The following CTNND2 variants were observed in gnomAD, a reference collection of about 807,000 sequenced individuals.
The protein encoded by CTNND2 is catenin delta-2.
CTNND2 carries 22 observed loss-of-function variants against 144.4 expected under a neutral mutation model. The observed-to-expected ratio is 0.15, with a 90% CI of 0.11 to 0.22. The LOEUF (loss-of-function observed/expected upper bound fraction) is 0.22, where lower values mean the gene tolerates loss of function less well. Ranked by LOEUF, CTNND2 falls within the 10% of genes least tolerant of loss-of-function variation. CTNND2 has a pLI of 1.00. For missense variants in CTNND2, 1,353 were observed against 1,618.8 expected (o/e 0.84, Z 2.82); for synonymous variants, 751 against 695.6 (o/e 1.08, Z -1.25).
intron 3 of CTNND2, among the ~76,000 whole-genome samples, chr5:11,528,414 A>AT (rs1393567703): frequency 1.3e-5 from 2 of 152,130 alleles, no homozygotes; most frequent in East Asian, 1.9e-4. Context: ...AGTAGTTCAC[A>AT]TAAAAAAAAA....
chr5:11,103,679 AC>A (rs999647986), intron 14 of CTNND2, among the ~76,000 whole-genome samples: 1 of 152,046 alleles, frequency 6.6e-6, no homozygotes, highest in African/African-American at 2.4e-5. Flanking sequence ...AAAGCAAAAA[AC>A]AAAACAAAAA....
intron 16 of CTNND2, among the ~76,000 whole-genome samples, chr5:11,069,143 A>G (rs982391940): frequency 3.9e-5 from 6 of 152,172 alleles, no homozygotes; most frequent in Non-Finnish European, 8.8e-5. Flanking sequence ...AAAATAGAGA[A>G]AGGTATTGTT....
At chr5:11,304,573 GT>G (rs1469429731) in intron 9 of CTNND2, among the ~76,000 whole-genome samples, 1 of 152,162 alleles carries the variant, frequency 6.6e-6, no homozygotes, top group African/African-American at 2.4e-5. Context: ...ATCAGGTTTT[GT>G]TTTTTATTAA....
intron 10 of CTNND2, among the ~76,000 whole-genome samples, chr5:11,231,026 G>C (rs1351361811): frequency 3.3e-5 from 5 of 152,050 alleles, no homozygotes; most frequent in African/African-American, 7.2e-5. Context: ...GGCAGGACCA[G>C]GTGAAGGTAA....
At chr5:11,000,899 C>G (rs747501896) in intron 18 of CTNND2, among the ~76,000 whole-genome samples, 4 of 152,222 alleles carry the variant, frequency 2.6e-5, no homozygotes, top group Non-Finnish European at 5.9e-5. Flanking sequence ...CACTCCTCCC[C>G]CAAATGGATG....
chr5:11,082,979 G>T, intron 15 of CTNND2, 133 bp from the exon 16 acceptor site: 1 of 969,960 alleles, frequency 1.0e-6, no homozygotes, highest in Non-Finnish European at 1.5e-6. Context: ...TTGTAGAATG[G>T]GTTGAATACG....
At chr5:11,156,497 G>T (rs530884329) in intron 12 of CTNND2, among the ~76,000 whole-genome samples, 1 of 152,288 alleles carries the variant, frequency 6.6e-6, no homozygotes, top group African/African-American at 2.4e-5. Context: ...TCTAGGAAAA[G>T]AGTTTTATTT....
rs575775605 is a variant in CTNND2, at chr5:11,568,247, G to A, written c.175-3191C>T. 6.6e-4 allele frequency among the ~76,000 whole-genome samples: 100 copies of A among 152,270 alleles called. 1 individual carries two copies. The highest frequency in any genetic ancestry group is 6.1e-3 in the Admixed American group (93 of 15,292). ...CTGCTAAGTTGTTTGCTGAATATGA[G>A]AAAGGGCACCTTGCCTTTCTGATAT... On this transcript the variant is annotated intron_variant, in intron 2 of 21. Transcript: ENST00000304623.
chr5:11,887,546 AAAAT>A (rs1484195403), intron 1 of CTNND2, among the ~76,000 whole-genome samples: 2 of 152,210 alleles, frequency 1.3e-5, no homozygotes, highest in African/African-American at 4.8e-5. Flanking sequence ...TAGGTTGTAA[AAAAT>A]AAATAAATTT....
intron 16 of CTNND2, among the ~76,000 whole-genome samples, chr5:11,071,555 A>AT (rs1052283984): frequency 2.1e-5 from 3 of 142,830 alleles, no homozygotes; most frequent in South Asian, 2.3e-4. Flanking sequence ...GTCTTCAAAA[A>AT]TTTTTTTTTC....
chr5:11,488,660 G>C (rs1011542114), intron 3 of CTNND2, among the ~76,000 whole-genome samples: 8 of 152,130 alleles, frequency 5.3e-5, no homozygotes, highest in Admixed American at 2.0e-4. Flanking sequence ...AATCAAAAGA[G>C]AGAAGAGTTC....
chr5:11,874,661 C>T (rs550019746), intron 1 of CTNND2, among the ~76,000 whole-genome samples: 8 of 152,208 alleles, frequency 5.3e-5, no homozygotes, highest in Non-Finnish European at 1.0e-4. Flanking sequence ...AATGGGACAG[C>T]GAGATTTCAG....
chr5:11,086,475 G>A (rs1460960584), intron 15 of CTNND2, among the ~76,000 whole-genome samples: 1 of 152,216 alleles, frequency 6.6e-6, no homozygotes, highest in African/African-American at 2.4e-5. Flanking sequence ...CACGCTTGCA[G>A]ACTGACGGGA....
In CTNND2 at chr5:11,435,385, G is replaced by A. The variant is rs528417162; in HGVS notation, c.288-23316C>T. On this transcript the variant is annotated intron_variant, in intron 3 of 21. Transcript: ENST00000304623. ...TCTCGATCTCCTGACCTCGTGATCC[G>A]CCCTCCTCGGCCTCCCAAAGTGCAG... Among the ~76,000 whole-genome samples the A allele has an allele frequency of 9.3e-4, 141 of 151,870 alleles. 1 individual carries two copies. Among genetic ancestry groups the A allele is most frequent in the Non-Finnish European group, 1.7e-3 (118 of 67,940 alleles).
intron 1 of CTNND2, among the ~76,000 whole-genome samples, chr5:11,783,900 C>G (rs1044554380): frequency 6.6e-6 from 1 of 152,196 alleles, no homozygotes; most frequent in African/African-American, 2.4e-5. Flanking sequence ...CTATAGATGT[C>G]TCTCGATGGC....
intron 1 of CTNND2, among the ~76,000 whole-genome samples, chr5:11,860,824 A>G (rs1183993459): frequency 6.6e-6 from 1 of 152,102 alleles, no homozygotes; most frequent in Non-Finnish European, 1.5e-5. Flanking sequence ...AAACATGTCA[A>G]CCCCCTAAAT....
chr5:11,396,461 T>C (rs1760148538), intron 6 of CTNND2, among the ~76,000 whole-genome samples: 1 of 152,166 alleles, frequency 6.6e-6, no homozygotes, highest in Admixed American at 6.5e-5. Flanking sequence ...GCAGTGAAAC[T>C]GTAAGATCAA....
intron 13 of CTNND2, among the ~76,000 whole-genome samples, chr5:11,115,001 G>T (rs1753402623): frequency 6.6e-6 from 1 of 152,170 alleles, no homozygotes; most frequent in Non-Finnish European, 1.5e-5. Context: ...TATGCTCCTT[G>T]TCACAGAGTT....
At chr5:11,616,421 T>C (rs949491706) in intron 2 of CTNND2, among the ~76,000 whole-genome samples, 2 of 152,204 alleles carry the variant, frequency 1.3e-5, no homozygotes, top group African/African-American at 4.8e-5. Flanking sequence ...CTTTCACATC[T>C]GCAGTATCTG....
Sources: gnomAD v4.1 joint callset for allele counts (sites outside exome capture counted in the v4.1 genomes callset) on GRCh38, gnomAD v4.1.1 for gene constraint, MANE v1.5 for transcripts, NCBI Gene and HGNC (gene_info 2026-07-23, HGNC 2026-07-21) for gene names.